DMXL2: variants seen among roughly 807,000 people sequenced by gnomAD.
The protein encoded by DMXL2 is Dmx like 2, also known as dmX-like protein 2.
DMXL2 carries 103 observed loss-of-function variants against 331.1 expected under a neutral mutation model. The ratio of observed to expected loss-of-function variants is 0.31; its 90% CI spans 0.27 to 0.37. The LOEUF (loss-of-function observed/expected upper bound fraction) is 0.37, where lower values mean the gene tolerates loss of function less well. Ranked by LOEUF, DMXL2 falls within the 10% of genes least tolerant of loss-of-function variation. The probability of loss-of-function intolerance (pLI) is 1.00; values close to 1 mark genes in which losing one functional copy is unlikely to be tolerated. For missense variants in DMXL2, 3,171 were observed against 3,642.9 expected, an observed-to-expected ratio of 0.87 and a Z score of 3.33; for synonymous variants, 1,281 against 1,252.1, an observed-to-expected ratio of 1.02 and a Z score of -0.49.
chr15:51,621,262 G>A (rs2054607950), intron 1 of DMXL2, among the ~76,000 whole-genome samples: 1 of 152,154 alleles, frequency 6.6e-6, no homozygotes, highest in Admixed American at 6.5e-5. Context: ...AATCTTCTGG[G>A]GTTAATGTAT....
chr15:51,599,211 C>T (rs1004192480), intron 1 of DMXL2, among the ~76,000 whole-genome samples: 2 of 152,204 alleles, frequency 1.3e-5, no homozygotes, highest in Admixed American at 1.3e-4. Context: ...CTTTCTGGCA[C>T]AAGAAATTCC....
chr15:51,560,907 G>T (rs1483206353), intron 6 of DMXL2, among the ~76,000 whole-genome samples: 1 of 151,420 alleles, frequency 6.6e-6, no homozygotes, highest in African/African-American at 2.4e-5. Context: ...GAGGAGTAGG[G>T]TACATGTGTA....
chr15:51,569,567 C>T (rs1458353072), intron 2 of DMXL2, among the ~76,000 whole-genome samples: 1 of 152,186 alleles, frequency 6.6e-6, no homozygotes, highest in Non-Finnish European at 1.5e-5. Context: ...ACAGACACCA[C>T]ATACAGGAGA....
chr15:51,524,252 T>C (rs974449312), intron 13 of DMXL2, among the ~76,000 whole-genome samples: 11 of 152,178 alleles, frequency 7.2e-5, no homozygotes, highest in Admixed American at 2.0e-4. Flanking sequence ...TCAAAACATA[T>C]GAGGAAGTTC....
At position 51,491,725 on chromosome 15, in the gene DMXL2, G is replaced by T. The variant is rs1374708374; in HGVS notation, c.4806C>A (p.Ala1602=). The T allele has an allele frequency of 6.2e-7, 1 of 1,606,704 alleles. No homozygotes were observed. The highest frequency in any genetic ancestry group is 2.2e-5 in the East Asian group (1 of 44,706). ...CTTCAGCCTCAGAATGAAAAGCCCA[G>T]GCAAAATGGCATGTAGAGACACCTA... The part of the protein sequence containing the change: ...LHQGVSTCHF[A]WAFHSEAEEE... Residue 1602 remains alanine (A), a synonymous_variant, in exon 20 of 44, where the codon GCC becomes GCA. Transcript: ENST00000560891.
At chr15:51,607,113 G>T (rs895875848) in intron 1 of DMXL2, among the ~76,000 whole-genome samples, 17 of 149,664 alleles carry the variant, frequency 1.1e-4, no homozygotes, top group African/African-American at 4.0e-4. Context: ...AGCTGAGATT[G>T]CTCCACTGCA....
chr15:51,472,481 C>T (rs1035174536), intron 28 of DMXL2, among the ~76,000 whole-genome samples: 1 of 152,162 alleles, frequency 6.6e-6, no homozygotes, highest in Non-Finnish European at 1.5e-5. Flanking sequence ...AAAGCATTCT[C>T]CTCACCCCAA....
At chr15:51,485,327 A>C (rs1052187745) in intron 23 of DMXL2, among the ~76,000 whole-genome samples, 2 of 152,214 alleles carry the variant, frequency 1.3e-5, no homozygotes, top group Admixed American at 6.5e-5. Flanking sequence ...GTCAAAGACA[A>C]GGATCTCCTC....
chr15:51,497,907 A>T (rs1203474359), intron 18 of DMXL2, among the ~76,000 whole-genome samples: 12 of 151,768 alleles, frequency 7.9e-5, no homozygotes, highest in Admixed American at 7.9e-4. Flanking sequence ...ATTATCAAAG[A>T]AAAAATCATA....
chr15:51,495,897 T>TC (rs1478488860), intron 18 of DMXL2, among the ~76,000 whole-genome samples: 1 of 152,156 alleles, frequency 6.6e-6, no homozygotes, highest in Non-Finnish European at 1.5e-5. Flanking sequence ...CAGCTCTGCT[T>TC]CCCATTACCT....
intron 29 of DMXL2, among the ~76,000 whole-genome samples, chr15:51,468,280 C>G (rs560093465): frequency 1.1e-4 from 17 of 152,146 alleles, no homozygotes; most frequent in African/African-American, 3.6e-4. Context: ...CAGTCACGGG[C>G]AGGAAATATA....
intron 6 of DMXL2, among the ~76,000 whole-genome samples, chr15:51,554,209 T>G (rs574307050): frequency 6.6e-6 from 1 of 152,358 alleles, no homozygotes; most frequent in East Asian, 1.9e-4. Flanking sequence ...GGTCCTATAT[T>G]AAATCATCCA....
At chr15:51,531,409 G>A (rs893583124) in intron 13 of DMXL2, among the ~76,000 whole-genome samples, 4 of 152,100 alleles carry the variant, frequency 2.6e-5, no homozygotes, top group African/African-American at 9.7e-5. Context: ...TTAAATCTAA[G>A]ACCTCAAACT....
Position 51,481,197 on chromosome 15 carries a change from T to C in DMXL2, c.5909A>G (p.Asp1970Gly), listed in dbSNP as rs958006338. 9 of 1,613,854 alleles carry C rather than the reference T, an allele frequency of 5.6e-6. No individual in the cohort carries two copies. The highest frequency in any genetic ancestry group is 7.6e-6 in the Non-Finnish European group (9 of 1,179,906). Residue 1970 changes from aspartate (D) to glycine (G), a missense_variant, in exon 24 of 44, where the codon GAT becomes GGT. Around this residue, in one of 7 missense-constraint regions of DMXL2, gnomAD observed 244 missense variants for 251.4 expected, o/e 0.97. Transcript: ENST00000560891. ...YDWSQPIVKV[D>G]EEPLNLDWGE... Reference sequence around the variant, plus strand: ...CCAATCAAGATTAAGAGGTTCCTCATCAACTTTTACTATTGGCTGACTCCA... The same window carrying C: ...CCAATCAAGATTAAGAGGTTCCTCACCAACTTTTACTATTGGCTGACTCCA...
At chr15:51,583,598 T>C (rs1180151435) in intron 1 of DMXL2, among the ~76,000 whole-genome samples, 1 of 25,006 alleles carries the variant, frequency 4.0e-5, no homozygotes, top group Non-Finnish European at 7.3e-5. Flanking sequence ...CGTGTGCATG[T>C]GTCTTTATAG....
chr15:51,594,193 G>A (rs960293475), intron 1 of DMXL2, among the ~76,000 whole-genome samples: 19 of 152,074 alleles, frequency 1.2e-4, no homozygotes, highest in African/African-American at 4.6e-4. Flanking sequence ...GAAGAAAAGA[G>A]AAGAATCAAA....
intron 41 of DMXL2, among the ~76,000 whole-genome samples, chr15:51,452,662 C>T (rs574614787): frequency 7.2e-5 from 11 of 152,184 alleles, no homozygotes; most frequent in South Asian, 6.2e-4. Context: ...CTAGTAAAAC[C>T]ACCATGAAAA....
Position 51,480,763 on chromosome 15 carries a change from T to C in DMXL2, c.6343A>G (p.Met2115Val), listed in dbSNP as rs775421199. 16 of 1,601,072 alleles carry C rather than the reference T, an allele frequency of 1.0e-5. No individual in the cohort carries two copies. The African/African-American group carries it at 2.0e-4, about 20-fold the overall frequency. ...VESDLLDQEE[M>V]VDKPDIGSYE... is the part of the protein sequence containing the mutation. ...GAACCAATATCTGGTTTGTCTACCA[T>C]TTCTTCCTGATCCAGCAGATCACTC... Residue 2115 changes from methionine (M) to valine (V), a missense_variant, in exon 24 of 44, where the codon ATG (methionine) becomes GTG (valine). By Grantham distance (21) the Met-to-Val change is conservative. Around this residue, in one of 7 missense-constraint regions of DMXL2, gnomAD observed 197 missense variants for 196.2 expected, o/e 1.00. Coordinates refer to ENST00000560891, the MANE Select transcript of DMXL2 (RefSeq NM_001378457.1).
In DMXL2 at chr15:51,536,247, A is replaced by T. The variant is rs1189444542; in HGVS notation, c.2233T>A (p.Leu745Met). Reference sequence around the variant, plus strand: ...GTATGTAAAGAGTTAATTCGAGCCAATTCTGATACTCCTCCAGTGTATGAC... The same window carrying T: ...GTATGTAAAGAGTTAATTCGAGCCATTTCTGATACTCCTCCAGTGTATGAC... ...PLSYTGGVSE[L>M]ARINSLHTSA... Residue 745 changes from leucine to methionine, a missense_variant, in exon 12 of 44, where the codon TTG (leucine) becomes ATG (methionine). Around this residue, in one of 7 missense-constraint regions of DMXL2, gnomAD observed 1,674 missense variants for 1,780.2 expected, o/e 0.94. Coordinates refer to ENST00000560891, the MANE Select transcript of DMXL2 (RefSeq NM_001378457.1). 1.9e-6 allele frequency: 3 copies of T among 1,613,924 alleles called. No individual in the cohort carries two copies. The highest frequency in any genetic ancestry group is 2.5e-6 in the Non-Finnish European group (3 of 1,179,918).
Sources: gnomAD v4.1 joint callset for allele counts (sites outside exome capture counted in the v4.1 genomes callset) on GRCh38, gnomAD v4.1.1 for gene constraint, gnomAD v4.1.1 regional missense constraint, MANE v1.5 for transcripts, NCBI Gene and HGNC (gene_info 2026-07-23, HGNC 2026-07-21) for gene names.